The following VKORC1L1 variants were observed in gnomAD, a reference collection of about 807,000 sequenced individuals.
The protein encoded by VKORC1L1 is vitamin K epoxide reductase complex subunit 1-like protein 1.
VKORC1L1 carries 2 observed loss-of-function variants against 18.9 expected under a neutral mutation model. That is an observed-to-expected ratio of 0.11 (90% confidence interval 0.04 to 0.33). The LOEUF (loss-of-function observed/expected upper bound fraction) is 0.33. Ranked by LOEUF, VKORC1L1 falls within the 10% of genes least tolerant of loss-of-function variation. VKORC1L1 has a pLI of 1.00. For synonymous variants in VKORC1L1, 96 were observed against 100.0 expected, an observed-to-expected ratio of 0.96 and a Z score of 0.24; for missense variants, 123 against 224.1, an observed-to-expected ratio of 0.55 and a Z score of 2.88.
chr7:65,883,377 C>T (rs1394190781), intron 1 of VKORC1L1, among the ~76,000 whole-genome samples: 1 of 152,068 alleles, frequency 6.6e-6, no homozygotes, highest in Non-Finnish European at 1.5e-5. Context: ...TCTCGAACTC[C>T]TGACCTCAAA....
At chr7:65,875,151 G>A (rs1382482318) in intron 1 of VKORC1L1, among the ~76,000 whole-genome samples, 1 of 152,170 alleles carries the variant, frequency 6.6e-6, no homozygotes, top group Non-Finnish European at 1.5e-5. Context: ...TATTTGCCAT[G>A]TATACAGTGA....
rs201189511 is a variant in VKORC1L1, at chr7:65,954,058, G to A, written c.305-16G>A. The A allele has an allele frequency of 7.6e-6, 12 of 1,580,418 alleles. No individual in the cohort carries two copies. Among genetic ancestry groups the A allele is most frequent in the African/African-American group, 1.3e-5 (1 of 74,286 alleles). Reference sequence around the variant, plus strand: ...AGCACCAAGGCCTGACTGAGCCTGCGTCTCTTCTCTTACAGGCATGACAGC... The same window carrying A: ...AGCACCAAGGCCTGACTGAGCCTGCATCTCTTCTCTTACAGGCATGACAGC... On this transcript the variant is annotated splice_polypyrimidine_tract_variant and intron_variant, in intron 2 of 2. Transcript: ENST00000360768.
intron 1 of VKORC1L1, among the ~76,000 whole-genome samples, chr7:65,928,456 A>G (rs915978787): frequency 2.6e-5 from 4 of 151,688 alleles, no homozygotes; most frequent in Admixed American, 2.6e-4. Flanking sequence ...CTCTACCCTC[A>G]TAGTTTTACC....
intron 1 of VKORC1L1, among the ~76,000 whole-genome samples, chr7:65,931,667 A>T (rs1789860470): frequency 6.6e-6 from 1 of 152,080 alleles, no homozygotes. Flanking sequence ...TTTGAGATGC[A>T]GTCTCGCTCT....
At chr7:65,933,417 A>G (rs1024853058) in intron 1 of VKORC1L1, among the ~76,000 whole-genome samples, 3 of 152,138 alleles carry the variant, frequency 2.0e-5, no homozygotes, top group Non-Finnish European at 4.4e-5. Flanking sequence ...CCTGGAGACT[A>G]CATTTTCTGG....
intron 1 of VKORC1L1, among the ~76,000 whole-genome samples, chr7:65,910,567 A>G (rs141003984): frequency 1.3e-5 from 2 of 152,248 alleles, no homozygotes; most frequent in Non-Finnish European, 2.9e-5. Context: ...TGTTGGATGT[A>G]AAACTGAGAA....
chr7:65,869,770 C>G (rs1213263728), upstream of VKORC1L1, among the ~76,000 whole-genome samples: 1 of 150,120 alleles, frequency 6.7e-6, no homozygotes, highest in Non-Finnish European at 1.5e-5. Context: ...TCTGCCTTGG[C>G]CTCCTGAATA....
intron 1 of VKORC1L1, among the ~76,000 whole-genome samples, chr7:65,936,547 C>G (rs1386684217): frequency 6.6e-6 from 1 of 152,166 alleles, no homozygotes; most frequent in Non-Finnish European, 1.5e-5. Context: ...TGAGTTTGCC[C>G]TCATGTGCGC....
At chr7:65,885,887 T>G (rs1229630556) in intron 1 of VKORC1L1, among the ~76,000 whole-genome samples, 1 of 152,254 alleles carries the variant, frequency 6.6e-6, no homozygotes, top group East Asian at 1.9e-4. Context: ...ATAATTTTGA[T>G]GAGTTCTAAG....
At chr7:65,901,239 A>G (rs1317597914) in intron 1 of VKORC1L1, among the ~76,000 whole-genome samples, 1 of 152,218 alleles carries the variant, frequency 6.6e-6, no homozygotes, top group Non-Finnish European at 1.5e-5. Flanking sequence ...GCATGTGCCT[A>G]TAATCCCAGT....
At position 65,946,189 on chromosome 7, in the gene VKORC1L1, ACT is replaced by A. The variant is rs1027725417; in HGVS notation, c.195-2478_195-2477del. 5.7e-5 allele frequency among the ~76,000 whole-genome samples: 8 copies of A among 141,504 alleles called. 1 individual carries two copies. Among genetic ancestry groups the A allele is most frequent in the African/African-American group, 2.1e-4 (8 of 37,708 alleles). The allele number at this position is 141,504 out of a possible 152,430, so 92.8% of individuals were successfully genotyped here. A position where few individuals can be genotyped will look rare whatever the true frequency, so the allele number is the denominator to read the frequency against. ...TGGACTCGCTCCCAGTTCTCCTGTC[ACT>A]CTCCTCAATCACCATGCCCCAGCCT... On this transcript the variant is annotated intron_variant, in intron 1 of 2. Coordinates refer to ENST00000360768, the MANE Select transcript of VKORC1L1 (RefSeq NM_173517.6).
At chr7:65,922,187 A>G (rs373111080) in intron 1 of VKORC1L1, among the ~76,000 whole-genome samples, 1 of 103,922 alleles carries the variant, frequency 9.6e-6, no homozygotes, top group African/African-American at 3.0e-5. Flanking sequence ...TTTGTTTGAC[A>G]TAGTATTCAT....
At chr7:65,935,860 G>C (rs773947087) in intron 1 of VKORC1L1, among the ~76,000 whole-genome samples, 91 of 152,000 alleles carry the variant, frequency 6.0e-4, no homozygotes, top group Non-Finnish European at 1.1e-3. Context: ...ATACCTTTTT[G>C]TGCATCAATC....
chr7:65,950,384 T>C (rs1790193293), intron 2 of VKORC1L1, among the ~76,000 whole-genome samples: 1 of 152,184 alleles, frequency 6.6e-6, no homozygotes. Context: ...GTAGATCTTG[T>C]TGCATACCAA....
intron 1 of VKORC1L1, among the ~76,000 whole-genome samples, chr7:65,902,073 A>G (rs1347804639): frequency 6.6e-6 from 1 of 152,210 alleles, no homozygotes; most frequent in Non-Finnish European, 1.5e-5. Context: ...CTATTTAAAG[A>G]AAAACACAAA....
At chr7:65,886,854 T>G (rs976999839) in intron 1 of VKORC1L1, among the ~76,000 whole-genome samples, 11 of 135,104 alleles carry the variant, frequency 8.1e-5, no homozygotes, top group Non-Finnish European at 1.7e-4. Flanking sequence ...TTTTTTTTTT[T>G]TTTTTTTTTT....
chr7:65,879,078 A>G (rs1788879302), intron 1 of VKORC1L1, among the ~76,000 whole-genome samples: 1 of 152,126 alleles, frequency 6.6e-6, no homozygotes, highest in African/African-American at 2.4e-5. Context: ...CACATAGACA[A>G]ACATCCACGT....
intron 1 of VKORC1L1, among the ~76,000 whole-genome samples, chr7:65,887,862 C>T (rs151100987): frequency 0.022 from 3,399 of 152,070 alleles, 49 homozygotes; most frequent in Middle Eastern, 0.065. Flanking sequence ...GATTGCTTCG[C>T]AATATGTATC....
upstream of VKORC1L1, among the ~76,000 whole-genome samples, chr7:65,868,797 C>T (rs1180810566): frequency 1.3e-5 from 2 of 152,154 alleles, no homozygotes; most frequent in Non-Finnish European, 2.9e-5. Context: ...ATATTGGAGA[C>T]TCCAAAAGAT....
Sources: gnomAD v4.1 joint callset for allele counts (sites outside exome capture counted in the v4.1 genomes callset) on GRCh38, gnomAD v4.1.1 for gene constraint, MANE v1.5 for transcripts, NCBI Gene and HGNC (gene_info 2026-07-23, HGNC 2026-07-21) for gene names.